The following GPC6 variants were observed in gnomAD, a reference collection of about 807,000 sequenced individuals.
GPC6 encodes the protein glypican 6.
Under a neutral mutation model 55.2 loss-of-function variants are expected in GPC6, and 14 were observed. That is an observed-to-expected ratio of 0.25 (90% CI 0.17 to 0.40). The LOEUF (loss-of-function observed/expected upper bound fraction) is 0.40. GPC6 is among the 10% of genes least tolerant of loss of function. The probability of loss-of-function intolerance (pLI) is 1.00; values close to 1 mark genes in which losing one functional copy is unlikely to be tolerated. For missense variants in GPC6, 641 were observed against 708.5 expected, an observed-to-expected ratio of 0.90 and a Z score of 1.08; for synonymous variants, 278 against 259.6, an observed-to-expected ratio of 1.07 and a Z score of -0.68.
At chr13:93,705,378 G>A (rs903789727) in intron 2 of GPC6, among the ~76,000 whole-genome samples, 4 of 151,880 alleles carry the variant, frequency 2.6e-5, no homozygotes, top group Admixed American at 2.0e-4. Flanking sequence ...GCATGACAGA[G>A]TAATTTTGTT....
chr13:94,165,275 C>CAT (rs144165319), intron 4 of GPC6, among the ~76,000 whole-genome samples: 5,473 of 143,158 alleles, frequency 0.038, 251 homozygotes, highest in African/African-American at 0.11. Flanking sequence ...TATATATACA[C>CAT]ATATATATAT....
chr13:93,501,040 C>T (rs1456615808), intron 1 of GPC6, among the ~76,000 whole-genome samples: 1 of 152,126 alleles, frequency 6.6e-6, no homozygotes, highest in East Asian at 1.9e-4. Context: ...ATCTTATCCA[C>T]ACACGAGAAC....
chr13:93,851,526 T>G (rs558627632), intron 3 of GPC6, among the ~76,000 whole-genome samples: 92 of 151,996 alleles, frequency 6.1e-4, no homozygotes, highest in African/African-American at 2.1e-3. Flanking sequence ...AATCAAGATT[T>G]GGCTCACTGC....
chr13:93,796,663 C>A (rs1886206793), intron 2 of GPC6, among the ~76,000 whole-genome samples: 1 of 152,256 alleles, frequency 6.6e-6, no homozygotes, highest in East Asian at 1.9e-4. Context: ...CTCCAGCAAC[C>A]TTTTCTCTCC....
At chr13:93,901,183 T>C (rs1156828865) in intron 3 of GPC6, among the ~76,000 whole-genome samples, 2 of 152,152 alleles carry the variant, frequency 1.3e-5, no homozygotes, top group African/African-American at 4.8e-5. Context: ...TATATACTGA[T>C]TTCTCTGCTT....
At chr13:93,433,695 A>G (rs1369150895) in intron 1 of GPC6, among the ~76,000 whole-genome samples, 2 of 152,178 alleles carry the variant, frequency 1.3e-5, no homozygotes. Flanking sequence ...AGAGAAAAAG[A>G]GGGAGACAGA....
chr13:94,250,343 A>C (rs986180650), intron 4 of GPC6, among the ~76,000 whole-genome samples: 1 of 152,166 alleles, frequency 6.6e-6, no homozygotes, highest in South Asian at 2.1e-4. Flanking sequence ...AGGCCTTAAT[A>C]GAAGGTCTGT....
intron 2 of GPC6, among the ~76,000 whole-genome samples, chr13:93,618,925 T>C (rs1038497243): frequency 5.3e-5 from 8 of 152,156 alleles, no homozygotes; most frequent in African/African-American, 1.7e-4. Context: ...ACCTAAATGG[T>C]ATAGCCTACT....
intron 1 of GPC6, among the ~76,000 whole-genome samples, chr13:93,295,502 T>C (rs1035502276): frequency 1.3e-5 from 2 of 151,780 alleles, no homozygotes; most frequent in African/African-American, 2.4e-5. Context: ...TGTTTGTTTG[T>C]GTGTGTGTGT....
intron 1 of GPC6, among the ~76,000 whole-genome samples, chr13:93,314,175 A>AT (rs1010544123): frequency 3.3e-5 from 5 of 151,936 alleles, no homozygotes; most frequent in East Asian, 1.9e-4. Flanking sequence ...GCATAAAAGA[A>AT]TTTTTTTTCC....
intron 2 of GPC6, among the ~76,000 whole-genome samples, chr13:93,571,042 T>C (rs1456139021): frequency 6.6e-6 from 1 of 152,096 alleles, no homozygotes. Flanking sequence ...CATATATATA[T>C]ATTTTTTAAT....
intron 4 of GPC6, among the ~76,000 whole-genome samples, chr13:94,230,670 T>G (rs1443689789): frequency 2.6e-5 from 4 of 152,182 alleles, no homozygotes; most frequent in African/African-American, 9.6e-5. Flanking sequence ...TTGACCTAAA[T>G]GATCAGACTC....
At chr13:94,034,130 T>C (rs1883240764) in intron 4 of GPC6, among the ~76,000 whole-genome samples, 1 of 151,846 alleles carries the variant, frequency 6.6e-6, no homozygotes, top group African/African-American at 2.4e-5. Flanking sequence ...ATTTATCATA[T>C]GTTGTGTTCT....
chr13:93,463,478 T>C (rs952262570), intron 1 of GPC6, among the ~76,000 whole-genome samples: 2 of 152,162 alleles, frequency 1.3e-5, no homozygotes, highest in African/African-American at 4.8e-5. Context: ...GTGATTCAAG[T>C]ACTAGATCCA....
chr13:93,864,813 GA>G (rs1262501119), intron 3 of GPC6, among the ~76,000 whole-genome samples: 1 of 151,646 alleles, frequency 6.6e-6, no homozygotes, highest in Non-Finnish European at 1.5e-5. Flanking sequence ...CCCAAATGTA[GA>G]ACTCTAACCA....
intron 2 of GPC6, among the ~76,000 whole-genome samples, chr13:93,815,259 G>C (rs986692689): frequency 6.6e-6 from 1 of 152,050 alleles, no homozygotes; most frequent in Admixed American, 6.5e-5. Flanking sequence ...GAAATAATAA[G>C]CCTGTGGCAT....
At chr13:93,393,145 G>GAA (rs1473173252) in intron 1 of GPC6, among the ~76,000 whole-genome samples, 2 of 149,390 alleles carry the variant, frequency 1.3e-5, no homozygotes, top group African/African-American at 4.9e-5. Flanking sequence ...GAGAGAGAGA[G>GAA]AGAGAGAGAG....
intron 7 of GPC6, 52 bp downstream of exon 7, chr13:94,382,602 G>A (rs761122026): frequency 6.2e-7 from 1 of 1,610,702 alleles, no homozygotes. Flanking sequence ...ACCCAGCCTT[G>A]GAAGACTCTC....
At chr13:94,370,092 T>G (rs577695768) in intron 6 of GPC6, among the ~76,000 whole-genome samples, 3 of 152,296 alleles carry the variant, frequency 2.0e-5, no homozygotes, top group African/African-American at 7.2e-5. Context: ...AGCTGAAGAT[T>G]AGAGTGGTGG....
Sources: gnomAD v4.1 joint callset for allele counts (sites outside exome capture counted in the v4.1 genomes callset) on GRCh38, gnomAD v4.1.1 for gene constraint, MANE v1.5 for transcripts, NCBI Gene and HGNC (gene_info 2026-07-23, HGNC 2026-07-21) for gene names.